The following SLC24A4 variants were observed in gnomAD, a reference collection of about 807,000 sequenced individuals.
SLC24A4 encodes the protein solute carrier family 24 member 4, also known as sodium/potassium/calcium exchanger 4.
In SLC24A4, 53 loss-of-function variants were observed where a neutral mutation model predicts 79.0. The observed-to-expected ratio is 0.67, with a 90% confidence interval of 0.54 to 0.84. SLC24A4 has a LOEUF of 0.84. Ranked by LOEUF, SLC24A4 falls within the 40% of genes least tolerant of loss-of-function variation. SLC24A4 has a pLI of 0.00. For synonymous variants in SLC24A4, 323 were observed against 323.8 expected (o/e 1.00, Z 0.03); for missense variants, 731 against 822.0 (o/e 0.89, Z 1.35).
intron 9 of SLC24A4, among the ~76,000 whole-genome samples, chr14:92,448,750 C>A (rs1241052498): frequency 6.6e-6 from 1 of 152,126 alleles, no homozygotes; most frequent in Non-Finnish European, 1.5e-5. Context: ...GCGAGCCTGC[C>A]CAGAGGCGAG....
chr14:92,474,973 C>T (rs1484828548), intron 12 of SLC24A4, among the ~76,000 whole-genome samples: 1 of 150,208 alleles, frequency 6.7e-6, no homozygotes, highest in Non-Finnish European at 1.5e-5. Context: ...ACTGGGATTA[C>T]AGGCGTGAGC....
intron 3 of SLC24A4, among the ~76,000 whole-genome samples, chr14:92,436,177 C>T (rs747635490): frequency 4.7e-4 from 72 of 152,262 alleles, no homozygotes; most frequent in Admixed American, 2.2e-3. Flanking sequence ...ACATTTTACA[C>T]GGTGGCAGGG....
intron 2 of SLC24A4, among the ~76,000 whole-genome samples, chr14:92,332,310 G>C (rs1362540948): frequency 5.3e-5 from 8 of 152,088 alleles, no homozygotes; most frequent in African/African-American, 1.9e-4. Context: ...AAACCAATAT[G>C]TGTTAATCGA....
chr14:92,333,268 A>G (rs191147054), intron 2 of SLC24A4, among the ~76,000 whole-genome samples: 1 of 151,320 alleles, frequency 6.6e-6, no homozygotes, highest in East Asian at 1.9e-4. Context: ...TAATTTTTGT[A>G]TTTTTAGTAG....
chr14:92,454,173 G>A, intron 11 of SLC24A4, 104 bp downstream of exon 11: 1 of 1,269,788 alleles, frequency 7.9e-7, no homozygotes. Context: ...CCTGTTTAAG[G>A]AAGGATGCCC....
At chr14:92,492,861 A>G in intron 16 of SLC24A4, 1 of 455,770 alleles carries the variant, frequency 2.2e-6, no homozygotes, top group Non-Finnish European at 4.4e-6. Context: ...CAGCCCCAGG[A>G]AGCCTTGATC....
At chr14:92,480,286 C>CTTTCTTTT (rs1894984012) in intron 12 of SLC24A4, among the ~76,000 whole-genome samples, 4 of 63,090 alleles carry the variant, frequency 6.3e-5, no homozygotes, top group East Asian at 1.0e-3. Flanking sequence ...AGATCTTTCC[C>CTTTCTTTT]TTTTTTTTTT....
intron 2 of SLC24A4, among the ~76,000 whole-genome samples, chr14:92,387,029 C>G (rs535678401): frequency 6.6e-6 from 1 of 151,654 alleles, no homozygotes; most frequent in South Asian, 2.1e-4. Context: ...CCCTGGCTTC[C>G]GTGAGAATCT....
intron 2 of SLC24A4, among the ~76,000 whole-genome samples, chr14:92,341,834 G>A (rs975575436): frequency 2.6e-5 from 4 of 152,178 alleles, no homozygotes; most frequent in East Asian, 3.8e-4. Flanking sequence ...GCATCTTTTC[G>A]TTCTCTAATT....
chr14:92,446,509 C>T (rs1892805878), intron 8 of SLC24A4, among the ~76,000 whole-genome samples: 1 of 152,188 alleles, frequency 6.6e-6, no homozygotes, highest in African/African-American at 2.4e-5. Flanking sequence ...CAGCTGTGTG[C>T]TATGGGCCCC....
intron 9 of SLC24A4, 93 bp from the exon 10 acceptor site, chr14:92,448,981 G>C: frequency 1.3e-6 from 2 of 1,497,114 alleles, no homozygotes; most frequent in Non-Finnish European, 1.8e-6. Context: ...GGGCTGTGCT[G>C]ACTGCGTGCA....
chr14:92,486,837 C>T, intron 14 of SLC24A4, 57 bp downstream of exon 14: 2 of 1,287,692 alleles, frequency 1.6e-6, no homozygotes, highest in Non-Finnish European at 2.2e-6. Context: ...GTGTCCTCGT[C>T]CCTGCCTGAC....
chr14:92,482,838 G>A lies in SLC24A4; in HGVS notation c.1414G>A (p.Val472Met), dbSNP rs1406240277. ...GATCGCTGTGTTCTCCTACATCATGGTGTGGCTGGTGAGTGGGGGGAGCAG... is the reference window on the plus strand; with the variant it reads ...GATCGCTGTGTTCTCCTACATCATGATGTGGCTGGTGAGTGGGGGGAGCAG... Reference protein sequence around the residue: ...LWIAVFSYIMVWLVTIIGYTL... With the variant: ...LWIAVFSYIMMWLVTIIGYTL... The change falls in exon 13 of 17, where the codon GTG (valine) becomes ATG (methionine). Residue 472 changes from valine to methionine, a missense_variant. By Grantham distance (21) the Val-to-Met change is conservative (BLOSUM62 1). Coordinates refer to ENST00000532405, the MANE Select transcript of SLC24A4 (RefSeq NM_153646.4). The A allele has an allele frequency of 2.5e-6, 4 of 1,610,678 alleles. No homozygotes were observed. Among genetic ancestry groups the A allele is most frequent in the African/African-American group, 1.3e-5 (1 of 74,882 alleles).
intron 12 of SLC24A4, among the ~76,000 whole-genome samples, chr14:92,461,981 A>AT (rs2139865822): frequency 6.6e-6 from 1 of 152,352 alleles, no homozygotes; most frequent in African/African-American, 2.4e-5. Context: ...CTGCCTCTTC[A>AT]TTCCAGGCAC....
At chr14:92,339,340 G>A (rs542683140) in intron 2 of SLC24A4, among the ~76,000 whole-genome samples, 5 of 152,350 alleles carry the variant, frequency 3.3e-5, no homozygotes, top group African/African-American at 1.2e-4. Flanking sequence ...TTGAAGATGG[G>A]AAAGTGTGGC....
At chr14:92,432,477 T>C (rs1233614095) in intron 2 of SLC24A4, among the ~76,000 whole-genome samples, 1 of 152,230 alleles carries the variant, frequency 6.6e-6, no homozygotes, top group Non-Finnish European at 1.5e-5. Flanking sequence ...TCTATTGATC[T>C]GCACTGAAAT....
intron 8 of SLC24A4, 67 bp downstream of exon 8, chr14:92,445,409 G>A: frequency 1.3e-6 from 2 of 1,509,222 alleles, no homozygotes; most frequent in South Asian, 1.2e-5. Context: ...TTATTTGTTG[G>A]GTTCCCTGAA....
At chr14:92,356,507 A>G (rs920337171) in intron 2 of SLC24A4, among the ~76,000 whole-genome samples, 1 of 152,194 alleles carries the variant, frequency 6.6e-6, no homozygotes, top group Non-Finnish European at 1.5e-5. Flanking sequence ...CCCTGGATCT[A>G]TCAGTCATTA....
intron 5 of SLC24A4, among the ~76,000 whole-genome samples, chr14:92,442,476 G>T (rs182530061): frequency 1.3e-5 from 2 of 152,330 alleles, no homozygotes; most frequent in East Asian, 3.9e-4. Flanking sequence ...AAATTTTATA[G>T]CATGCACATT....
Sources: gnomAD v4.1 joint callset for allele counts (sites outside exome capture counted in the v4.1 genomes callset) on GRCh38, gnomAD v4.1.1 for gene constraint, MANE v1.5 for transcripts, NCBI Gene and HGNC (gene_info 2026-07-23, HGNC 2026-07-21) for gene names.